Variants in SYNE2 observed in about 807,000 individuals in gnomAD.
SYNE2 encodes spectrin repeat containing nuclear envelope protein 2.
In SYNE2, 431 loss-of-function variants were observed where a neutral mutation model predicts 856.3. The observed-to-expected ratio is 0.50, with a 90% confidence interval of 0.47 to 0.55. The LOEUF (loss-of-function observed/expected upper bound fraction) is 0.55. SYNE2 is among the 20% of genes least tolerant of loss of function. SYNE2 has a pLI of 0.00. For missense variants in SYNE2, 8,129 were observed against 8,023.2 expected (o/e 1.01, Z -0.50); for synonymous variants, 2,923 against 2,872.3 (o/e 1.02, Z -0.56).
rs1384580408 is a variant in SYNE2, at chr14:63,855,535, A to C, written c.-52+2392A>C. 2.6e-5 allele frequency among the ~76,000 whole-genome samples: 4 copies of C among 151,018 alleles called. No homozygotes were observed. In the East Asian group the frequency reaches 7.8e-4, roughly 29 times the overall value. ...GACTTGTTGTGCGCTGCCTGGAATGACCCCCTGTCCCTAGCTCCCATATCT... is the reference window on the plus strand; with the variant it reads ...GACTTGTTGTGCGCTGCCTGGAATGCCCCCCTGTCCCTAGCTCCCATATCT... On this transcript the variant is annotated intron_variant, in intron 1 of 115. Transcript: ENST00000555002.
In SYNE2 at chr14:64,212,845, A is replaced by G. The variant is rs2098648386; in HGVS notation, c.18896A>G (p.Lys6299Arg). 1 of 1,614,240 alleles carries G rather than the reference A, an allele frequency of 6.2e-7. No individual in the cohort carries two copies. The highest frequency in any genetic ancestry group is 8.5e-7 in the Non-Finnish European group (1 of 1,180,048). Residue 6299 changes from lysine (K) to arginine (R), a missense_variant, in exon 105 of 116, where the codon AAG becomes AGG. By Grantham distance (26) the Lys-to-Arg change is conservative. This residue lies in a region of SYNE2 where 5,410 missense variants were observed against 5,284.8 expected (regional missense o/e 1.02). Coordinates refer to ENST00000555002, the MANE Select transcript of SYNE2 (RefSeq NM_182914.3). ...FQQEITLNTNKIDQLIVFGEQ... is the reference protein window; with the variant it reads ...FQQEITLNTNRIDQLIVFGEQ... The stretch of plus-strand genomic sequence containing the variant: ...CAGGAAATTACATTAAATACCAACA[A>G]GATTGATCAGCTCATTGTGTTTGGG...
intron 11 of SYNE2, among the ~76,000 whole-genome samples, chr14:63,970,932 C>T (rs2096466752): frequency 6.6e-6 from 1 of 151,934 alleles, no homozygotes; most frequent in African/African-American, 2.4e-5. Context: ...GTATTACAGA[C>T]ATGAGCCACT....
intron 45 of SYNE2, among the ~76,000 whole-genome samples, chr14:64,043,637 T>A (rs1234655135): frequency 6.6e-6 from 1 of 152,104 alleles, no homozygotes; most frequent in Non-Finnish European, 1.5e-5. Context: ...GGCTTCAGAG[T>A]GTGCAAGCCC....
rs200353243 is a variant in SYNE2 at position 64,141,415 on chromosome 14, C to A, written c.15051C>A (p.His5017Gln). The A allele has an allele frequency of 6.2e-7, 1 of 1,614,074 alleles. No individual in the cohort carries two copies. ...AVISIGNQLLHLKETDTATLR... is the reference protein window; with the variant it reads ...AVISIGNQLLQLKETDTATLR... ...TCAGTATCGGGAACCAGCTTCTTCA[C>A]CTGAAAGAAACTGATACAGCTACAC... Residue 5017 changes from histidine (H) to glutamine (Q), a missense_variant, in exon 81 of 116, where the codon CAC (histidine) becomes CAA (glutamine). Coordinates refer to ENST00000555002, the MANE Select transcript of SYNE2 (RefSeq NM_182914.3).
chr14:63,832,029 T>A (rs548961804), intron 1 of SYNE2, among the ~76,000 whole-genome samples: 1 of 152,256 alleles, frequency 6.6e-6, no homozygotes, highest in South Asian at 2.1e-4. Flanking sequence ...AATTATTATT[T>A]TGATTTGTAA....
In SYNE2 at chr14:64,134,328, T is replaced by G. The variant is rs992860203; in HGVS notation, c.14646+128T>G. The G allele has an allele frequency of 2.0e-5, 20 of 994,490 alleles. No homozygotes were observed. In the African/African-American group the frequency reaches 2.4e-4, roughly 12 times the overall value. 61.6% of individuals were successfully genotyped at this position (994,490 alleles called of 1,614,324 possible). A position where few individuals can be genotyped will look rare whatever the true frequency, so the allele number is the denominator to read the frequency against. On this transcript the variant is annotated intron_variant, in intron 78 of 115. Transcript: ENST00000555002. ...AAAATGTTCATCATACAACTCACTG[T>G]TGAATGTATTCAGGGAGACTACAGA...
At chr14:63,846,508 G>T (rs546855226) in intron 1 of SYNE2, among the ~76,000 whole-genome samples, 25 of 151,842 alleles carry the variant, frequency 1.6e-4, no homozygotes, top group African/African-American at 5.5e-4. Context: ...AATTATTCAA[G>T]CTCAATTTTA....
At chr14:64,187,159 A>G (rs2098495962) in intron 97 of SYNE2, among the ~76,000 whole-genome samples, 1 of 152,236 alleles carries the variant, frequency 6.6e-6, no homozygotes, top group African/African-American at 2.4e-5. Context: ...TACACGGTAT[A>G]GGCTTGTGAC....
At chr14:63,826,371 C>T (rs1043979122) in intron 1 of SYNE2, among the ~76,000 whole-genome samples, 1 of 152,182 alleles carries the variant, frequency 6.6e-6, no homozygotes, top group Non-Finnish European at 1.5e-5. Flanking sequence ...ACAATCTCAG[C>T]TCACTGCAAC....
chr14:63,843,462 C>T (rs1890135496), intron 1 of SYNE2, among the ~76,000 whole-genome samples: 2 of 152,104 alleles, frequency 1.3e-5, no homozygotes, highest in South Asian at 4.1e-4. Context: ...AACTTCTTTG[C>T]TATATTTTAA....
At chr14:64,084,835 G>T in intron 57 of SYNE2, 1 of 629,954 alleles carries the variant, frequency 1.6e-6, no homozygotes, top group Non-Finnish European at 2.9e-6. Context: ...TCATGAGAAT[G>T]CGGTCAAGGT....
At chr14:63,870,083 C>T (rs1439571197) in intron 1 of SYNE2, among the ~76,000 whole-genome samples, 2 of 152,146 alleles carry the variant, frequency 1.3e-5, no homozygotes, top group Non-Finnish European at 2.9e-5. Flanking sequence ...TGCTTTGGTT[C>T]CCCATTGGCC....
intron 45 of SYNE2, among the ~76,000 whole-genome samples, chr14:64,041,497 A>G (rs1397154437): frequency 6.6e-6 from 1 of 152,206 alleles, no homozygotes; most frequent in Non-Finnish European, 1.5e-5. Context: ...AAAAATGGAC[A>G]GTGGATATGC....
At chr14:63,948,227 T>A (rs554021132) in intron 6 of SYNE2, among the ~76,000 whole-genome samples, 1 of 151,912 alleles carries the variant, frequency 6.6e-6, no homozygotes, top group African/African-American at 2.4e-5. Context: ...TAGGATTGCA[T>A]GGCATATATG....
intron 6 of SYNE2, among the ~76,000 whole-genome samples, chr14:63,946,966 C>G (rs896044330): frequency 1.3e-5 from 2 of 152,070 alleles, no homozygotes; most frequent in African/African-American, 4.8e-5. Context: ...TCTTCTGCCT[C>G]AGCCTCCTGA....
At chr14:63,985,591 A>G (rs935429114) in intron 18 of SYNE2, among the ~76,000 whole-genome samples, 1 of 152,184 alleles carries the variant, frequency 6.6e-6, no homozygotes, top group Non-Finnish European at 1.5e-5. Context: ...AGTCACCCTA[A>G]TTTACTAAAC....
At chr14:63,854,688 TG>T (rs1192947666) in intron 1 of SYNE2, among the ~76,000 whole-genome samples, 2 of 152,248 alleles carry the variant, frequency 1.3e-5, no homozygotes, top group African/African-American at 4.8e-5. Flanking sequence ...AAACCACTTT[TG>T]GTCAGCTAGC....
intron 89 of SYNE2, among the ~76,000 whole-genome samples, chr14:64,163,960 C>A (rs964442365): frequency 1.3e-5 from 2 of 152,086 alleles, no homozygotes; most frequent in Non-Finnish European, 2.9e-5. Context: ...TGACCTGACA[C>A]CCAGGCTAGA....
chr14:64,179,221 C>G (rs1195403707), intron 96 of SYNE2, among the ~76,000 whole-genome samples: 1 of 152,190 alleles, frequency 6.6e-6, no homozygotes, highest in East Asian at 1.9e-4. Flanking sequence ...ACTGTAACCT[C>G]CACCATTCGG....
Sources: allele counts gnomAD v4.1 joint callset (sites outside exome capture counted in the v4.1 genomes callset), GRCh38; gene constraint gnomAD v4.1.1; regional missense constraint gnomAD v4.1.1; transcripts MANE v1.5; gene names NCBI Gene and HGNC (gene_info 2026-07-23, HGNC 2026-07-21).